DSCAM: variants seen among roughly 807,000 people sequenced by gnomAD.
The protein encoded by DSCAM is DS cell adhesion molecule.
A neutral mutation model predicts 217.7 loss-of-function variants in DSCAM; 47 were observed. The observed-to-expected ratio is 0.22, with a 90% confidence interval of 0.17 to 0.28. The LOEUF (loss-of-function observed/expected upper bound fraction) is 0.28. DSCAM is among the 10% of genes least tolerant of loss of function. The probability of loss-of-function intolerance (pLI) is 1.00; values close to 1 mark genes in which losing one functional copy is unlikely to be tolerated. For synonymous variants in DSCAM, 1,056 were observed against 1,015.3 expected, an observed-to-expected ratio of 1.04 and a Z score of -0.76; for missense variants, 2,080 against 2,618.3, an observed-to-expected ratio of 0.79 and a Z score of 4.49.
At position 40,673,781 on chromosome 21, in the gene DSCAM, G is replaced by A. The variant is rs138728919; in HGVS notation, c.508+19029C>T. 2.8e-3 allele frequency among the ~76,000 whole-genome samples: 432 copies of A among 152,196 alleles called. 1 individual carries two copies. The highest frequency in any genetic ancestry group is 9.8e-3 in the African/African-American group (406 of 41,512). The stretch of plus-strand genomic sequence containing the variant: ...TCTCTTGCTTCTGTTTTTACCATGT[G>A]AACTTTCTGCTCCAGCTCTGACTTC... On this transcript the variant is annotated intron_variant, in intron 3 of 32. Transcript: ENST00000400454.
intron 3 of DSCAM, among the ~76,000 whole-genome samples, chr21:40,493,720 G>A (rs1230920150): frequency 6.6e-6 from 1 of 151,540 alleles, no homozygotes; most frequent in African/African-American, 2.4e-5. Context: ...AAAATTAGCT[G>A]GGCATGGTGG....
chr21:40,228,511 T>G (rs1251418483), intron 11 of DSCAM, among the ~76,000 whole-genome samples: 1 of 152,184 alleles, frequency 6.6e-6, no homozygotes, highest in Non-Finnish European at 1.5e-5. Flanking sequence ...CAATACCGCC[T>G]TATTTGTTCT....
At chr21:40,612,879 G>A (rs943563156) in intron 3 of DSCAM, among the ~76,000 whole-genome samples, 5 of 152,120 alleles carry the variant, frequency 3.3e-5, no homozygotes, top group African/African-American at 1.2e-4. Flanking sequence ...AGGGGAGATT[G>A]TTGTTTTCTC....
At chr21:40,526,685 T>TA (rs1056160295) in intron 3 of DSCAM, among the ~76,000 whole-genome samples, 1 of 152,104 alleles carries the variant, frequency 6.6e-6, no homozygotes, top group African/African-American at 2.4e-5. Flanking sequence ...TTAGGGCACT[T>TA]CAACAGAGGC....
At chr21:40,786,633 G>A (rs13050817) in intron 1 of DSCAM, among the ~76,000 whole-genome samples, 7,225 of 152,238 alleles carry the variant, frequency 0.047, 217 homozygotes, top group Middle Eastern at 0.11. Context: ...GAAAAAGCCA[G>A]ACCTTTGGTC....
chr21:40,158,966 C>G (rs1384468025), intron 16 of DSCAM, among the ~76,000 whole-genome samples: 1 of 152,146 alleles, frequency 6.6e-6, no homozygotes, highest in African/African-American at 2.4e-5. Context: ...CATCTTAGTG[C>G]ATTAACTTAA....
At chr21:40,254,107 G>A (rs2073340530) in intron 11 of DSCAM, among the ~76,000 whole-genome samples, 1 of 152,202 alleles carries the variant, frequency 6.6e-6, no homozygotes, top group Admixed American at 6.5e-5. Context: ...AGGATACCCA[G>A]TTGGTGTCAG....
intron 11 of DSCAM, among the ~76,000 whole-genome samples, chr21:40,223,253 A>G (rs931569174): frequency 2.6e-5 from 4 of 152,342 alleles, no homozygotes; most frequent in African/African-American, 7.2e-5. Flanking sequence ...AACCCCAGGT[A>G]ACACCTGAAC....
intron 8 of DSCAM, 30 bp downstream of exon 8, chr21:40,338,071 T>C (rs2074447024): frequency 7.5e-6 from 12 of 1,607,966 alleles, no homozygotes; most frequent in Non-Finnish European, 9.3e-6. Context: ...ATGGAATGAG[T>C]TGTGTGGGAA....
At chr21:40,364,533 TG>T (rs2074806869) in intron 4 of DSCAM, among the ~76,000 whole-genome samples, 1 of 27,298 alleles carries the variant, frequency 3.7e-5, no homozygotes, top group Non-Finnish European at 9.2e-5. Context: ...TGTTGTGGGA[TG>T]GGGGGAGGGG....
intron 3 of DSCAM, among the ~76,000 whole-genome samples, chr21:40,683,671 G>A (rs969658760): frequency 6.6e-6 from 1 of 152,070 alleles, no homozygotes; most frequent in African/African-American, 2.4e-5. Context: ...GGGAGGCTAA[G>A]CTGGAAGGAA....
chr21:40,323,213 T>G (rs2074280026), intron 8 of DSCAM, among the ~76,000 whole-genome samples: 1 of 152,194 alleles, frequency 6.6e-6, no homozygotes, highest in Admixed American at 6.5e-5. Context: ...TCCTCGGTTG[T>G]TGATCATAAG....
intron 3 of DSCAM, among the ~76,000 whole-genome samples, chr21:40,475,703 C>T (rs866639672): frequency 1.3e-5 from 2 of 152,036 alleles, no homozygotes. Context: ...TGGTGGCATG[C>T]GCCTGTAATC....
chr21:40,367,874 T>C (rs1341174199), intron 4 of DSCAM, among the ~76,000 whole-genome samples: 4 of 152,220 alleles, frequency 2.6e-5, no homozygotes, highest in African/African-American at 9.6e-5. Flanking sequence ...AGGACTCCCA[T>C]GGTGACAAAA....
intron 3 of DSCAM, among the ~76,000 whole-genome samples, chr21:40,540,329 C>T (rs1047577364): frequency 6.6e-6 from 1 of 152,162 alleles, no homozygotes; most frequent in African/African-American, 2.4e-5. Flanking sequence ...ATTGATTTCC[C>T]AGATAGAACC....
At chr21:40,117,400 C>A (rs1302666639) in intron 20 of DSCAM, among the ~76,000 whole-genome samples, 1 of 152,126 alleles carries the variant, frequency 6.6e-6, no homozygotes, top group Admixed American at 6.6e-5. Flanking sequence ...CCAGGGAAGG[C>A]AGGTAAGCAT....
chr21:40,579,067 G>A (rs2076881400), intron 3 of DSCAM, among the ~76,000 whole-genome samples: 1 of 152,168 alleles, frequency 6.6e-6, no homozygotes, highest in Non-Finnish European at 1.5e-5. Flanking sequence ...ACAGAGGGAG[G>A]TAGAGGGAAT....
intron 3 of DSCAM, among the ~76,000 whole-genome samples, chr21:40,623,989 G>A (rs1034556323): frequency 6.6e-5 from 10 of 152,188 alleles, no homozygotes; most frequent in African/African-American, 2.2e-4. Context: ...TCACTCAGAA[G>A]GTTGGTTTGT....
At chr21:40,262,661 T>C (rs4816676) in intron 11 of DSCAM, among the ~76,000 whole-genome samples, 18,061 of 152,166 alleles carry the variant, frequency 0.12, 2,660 homozygotes, top group African/African-American at 0.33. Context: ...TCTCATTGTT[T>C]CCATGTTGTA....
Sources: allele counts gnomAD v4.1 joint callset (sites outside exome capture counted in the v4.1 genomes callset), GRCh38; gene constraint gnomAD v4.1.1; transcripts MANE v1.5; gene names NCBI Gene and HGNC (gene_info 2026-07-23, HGNC 2026-07-21).